The following CCDC62 variants were observed in gnomAD, a reference collection of about 807,000 sequenced individuals.
CCDC62 encodes coiled-coil domain-containing protein 62.
CCDC62 carries 72 observed loss-of-function variants against 80.8 expected under a neutral mutation model. The ratio of observed to expected loss-of-function variants is 0.89; its 90% confidence interval spans 0.74 to 1.08. The LOEUF (loss-of-function observed/expected upper bound fraction) is 1.08, where lower values mean the gene tolerates loss of function less well. CCDC62 is among the 50% of genes least tolerant of loss of function. The probability of loss-of-function intolerance (pLI) is 0.00; values close to 1 mark genes in which losing one functional copy is unlikely to be tolerated. For missense variants in CCDC62, 704 were observed against 809.4 expected, an observed-to-expected ratio of 0.87 and a Z score of 1.58; for synonymous variants, 286 against 296.5, an observed-to-expected ratio of 0.96 and a Z score of 0.36.
intron 1 of CCDC62, 79 bp from the exon 2 acceptor site, chr12:122,777,412 A>T: frequency 8.1e-7 from 1 of 1,227,362 alleles, no homozygotes; most frequent in Non-Finnish European, 1.1e-6. Context: ...AAGAAGATAT[A>T]CTTATTTGGA....
At chr12:122,824,728 T>A (rs1390584631) in intron 12 of CCDC62, among the ~76,000 whole-genome samples, 1 of 152,108 alleles carries the variant, frequency 6.6e-6, no homozygotes. Flanking sequence ...AGCAGCACAA[T>A]TCGCAATTGC....
chr12:122,826,497 T>C lies in CCDC62; in HGVS notation c.*116T>C, dbSNP rs766214904. 2 of 770,816 alleles carry C rather than the reference T, an allele frequency of 2.6e-6. No homozygotes were observed. The highest frequency in any genetic ancestry group is 2.8e-5 in the South Asian group (2 of 72,256). The allele number at this position is 770,816 out of a possible 1,614,324, so 47.7% of individuals were successfully genotyped here. A position where few individuals can be genotyped will look rare whatever the true frequency, so the allele number is the denominator to read the frequency against. ...ACTTAACCGTAAAACTGAAAGAGGA[T>C]TCTAGTTCTTCATAAACGGCACTTA... On this transcript the variant is annotated 3_prime_UTR_variant, in exon 13 of 13. Coordinates refer to ENST00000253079, the MANE Select transcript of CCDC62 (RefSeq NM_201435.5).
Position 122,792,014 on chromosome 12 carries a change from G to A in CCDC62, c.671-6G>A. 1.2e-6 allele frequency: 2 copies of A among 1,600,406 alleles called. No homozygotes were observed. The highest frequency in any genetic ancestry group is 1.7e-6 in the Non-Finnish European group (2 of 1,167,698). On this transcript the variant is annotated splice_polypyrimidine_tract_variant and splice_region_variant and intron_variant, in intron 5 of 12. Coordinates refer to ENST00000253079, the MANE Select transcript of CCDC62 (RefSeq NM_201435.5). ...TTGAGGACTTTCTTTTTCTTCTGTT[G>A]TGAAGAGGACCTCAATGAAAAGACG...
intron 9 of CCDC62, among the ~76,000 whole-genome samples, chr12:122,803,822 C>T (rs146709202): frequency 4.5e-4 from 68 of 152,272 alleles, no homozygotes; most frequent in African/African-American, 1.5e-3. Flanking sequence ...AACAAGGACA[C>T]TCATATATTA....
intron 12 of CCDC62, among the ~76,000 whole-genome samples, chr12:122,825,439 C>T (rs1356636813): frequency 6.7e-6 from 1 of 150,340 alleles, no homozygotes; most frequent in Non-Finnish European, 1.5e-5. Context: ...CTCCGCCTCC[C>T]GGGTTCAAGC....
In CCDC62 at chr12:122,777,662, G is replaced by A; in HGVS notation, c.208G>A (p.Glu70Lys). The change falls in exon 2 of 13, where the codon GAA (glutamate) becomes AAA (lysine). Residue 70 changes from glutamate (E) to lysine (K), a missense_variant. Transcript: ENST00000253079. ...TCGGCAGAAAGTGTTGACACTGGAA[G>A]AACGTTGCAGCAAATTAGAAGGTCA... ...EDRQKVLTLE[E>K]RCSKLEGELH... is the part of the protein sequence containing the mutation. 1 of 1,614,068 alleles carries A rather than the reference G, an allele frequency of 6.2e-7. No individual in the cohort carries two copies. The highest frequency in any genetic ancestry group is 8.5e-7 in the Non-Finnish European group (1 of 1,179,970).
Position 122,826,479 on chromosome 12 carries a change from C to T in CCDC62, c.*98C>T, listed in dbSNP as rs375300897. The T allele has an allele frequency of 4.0e-5, 31 of 774,868 alleles. No individual in the cohort carries two copies. The highest frequency in any genetic ancestry group is 6.8e-5 in the South Asian group (5 of 73,282). 48.0% of individuals were successfully genotyped at this position (774,868 alleles called of 1,614,324 possible). ...CACCAATACTGAATGAATACTTAAC[C>T]GTAAAACTGAAAGAGGATTCTAGTT... On this transcript the variant is annotated 3_prime_UTR_variant, in exon 13 of 13. Coordinates refer to ENST00000253079, the MANE Select transcript of CCDC62 (RefSeq NM_201435.5).
intron 10 of CCDC62, among the ~76,000 whole-genome samples, chr12:122,811,210 CTTTTTTTT>C (rs34599465): frequency 8.3e-6 from 1 of 120,092 alleles, no homozygotes; most frequent in East Asian, 2.4e-4. Flanking sequence ...ATTAAGTTTC[CTTTTTTTT>C]TTTTTTTTTT....
At chr12:122,825,714 G>A (rs1408199951) in intron 12 of CCDC62, among the ~76,000 whole-genome samples, 1 of 150,428 alleles carries the variant, frequency 6.6e-6, no homozygotes, top group African/African-American at 2.4e-5. Context: ...AGCTGGGCGC[G>A]GTGGCTCACA....
At chr12:122,820,167 A>T (rs1239270005) in intron 11 of CCDC62, among the ~76,000 whole-genome samples, 1 of 152,098 alleles carries the variant, frequency 6.6e-6, no homozygotes, top group East Asian at 1.9e-4. Context: ...AATTTTACCA[A>T]TAGGAGGCAT....
chr12:122,812,767 GAGAGAGAGAGAGAAAGAAAGAAAGAA>G lies in CCDC62; in HGVS notation c.1852-499_1852-474del, dbSNP rs1363385017. Among the ~76,000 whole-genome samples, 316 of 88,138 alleles carry G rather than the reference GAGAGAGAGAGAGAAAGAAAGAAAGAA, an allele frequency of 3.6e-3. 6 individuals are homozygous for G. The highest frequency in any genetic ancestry group is 0.015 in the African/African-American group (303 of 19,890). The allele number at this position is 88,138 out of a possible 152,430, so 57.8% of individuals were successfully genotyped here. A position where few individuals can be genotyped will look rare whatever the true frequency, so the allele number is the denominator to read the frequency against. Reference sequence around the variant, plus strand: ...AGAGAGAGAGGGAGGGAGAGAGAGAGAGAGAGAGAGAGAAAGAAAGAAAGAAAGAAAGAAAGAAAGAAAGAAAGAAA... The same window carrying G: ...AGAGAGAGAGGGAGGGAGAGAGAGAGAGAAAGAAAGAAAGAAAGAAAGAAA... On this transcript the variant is annotated intron_variant, in intron 10 of 12. Coordinates refer to ENST00000253079, the MANE Select transcript of CCDC62 (RefSeq NM_201435.5).
intron 2 of CCDC62, among the ~76,000 whole-genome samples, chr12:122,778,353 CAAAA>C (rs34065757): frequency 7.6e-5 from 9 of 118,160 alleles, no homozygotes; most frequent in East Asian, 4.8e-4. Flanking sequence ...GACCCTGTCC[CAAAA>C]AAAAAAAAAA....
chr12:122,812,462 C>T (rs2031935126), intron 10 of CCDC62, among the ~76,000 whole-genome samples: 1 of 147,108 alleles, frequency 6.8e-6, no homozygotes, highest in African/African-American at 2.5e-5. Flanking sequence ...AAAAAGAGGC[C>T]GGGTGCGGTG....
intron 10 of CCDC62, among the ~76,000 whole-genome samples, chr12:122,811,210 C>CAT (rs2031860202): frequency 8.3e-6 from 1 of 120,092 alleles, no homozygotes; most frequent in Non-Finnish European, 1.6e-5. Flanking sequence ...ATTAAGTTTC[C>CAT]TTTTTTTTTT....
At chr12:122,785,410 C>T (rs1253084339) in intron 3 of CCDC62, among the ~76,000 whole-genome samples, 1 of 151,994 alleles carries the variant, frequency 6.6e-6, no homozygotes, top group Non-Finnish European at 1.5e-5. Context: ...ATAAAAGATA[C>T]TAGGAAATAG....
In CCDC62 at chr12:122,797,312, A is replaced by G. The variant is rs1413563479; in HGVS notation, c.778A>G (p.Arg260Gly). 2 of 1,518,078 alleles carry G rather than the reference A, an allele frequency of 1.3e-6. No homozygotes were observed. Among genetic ancestry groups the G allele is most frequent in the Non-Finnish European group, 1.8e-6 (2 of 1,093,020 alleles). The allele number at this position is 1,518,078 out of a possible 1,614,324, so 94.0% of individuals were successfully genotyped here. A position where few individuals can be genotyped will look rare whatever the true frequency, so the allele number is the denominator to read the frequency against. ...LHDELLFTVE[R>G]EKRKDELLNI... ...TAATACTTGTTCTTAAATAGTAGAGAGAGAAAAGAGGAAAGATGAATTGCT... is the reference window on the plus strand; with the variant it reads ...TAATACTTGTTCTTAAATAGTAGAGGGAGAAAAGAGGAAAGATGAATTGCT... Residue 260 changes from arginine to glycine, a missense_variant, in exon 7 of 13, where the codon AGA becomes GGA. Physicochemically the swap from Arg to Gly is moderately radical, Grantham distance 125 (BLOSUM62 -2). Coordinates refer to ENST00000253079, the MANE Select transcript of CCDC62 (RefSeq NM_201435.5).
chr12:122,790,759 C>A (rs183034779), intron 5 of CCDC62, among the ~76,000 whole-genome samples: 13 of 152,280 alleles, frequency 8.5e-5, no homozygotes, highest in African/African-American at 2.4e-4. Flanking sequence ...CCAGCCCTGT[C>A]TTCACTTGGT....
chr12:122,825,866 G>C lies in CCDC62; in HGVS notation c.*41-556G>C, dbSNP rs1389983326. Among the ~76,000 whole-genome samples, 105 of 150,804 alleles carry C rather than the reference G, an allele frequency of 7.0e-4. 2 individuals are homozygous for C. Among genetic ancestry groups the C allele is most frequent in the Middle Eastern group, 6.9e-3 (2 of 290 alleles). On this transcript the variant is annotated intron_variant, in intron 12 of 12. Transcript: ENST00000253079. ...AAATTAGCCGGGCATGGAGGCGCAT[G>C]CCTGTAATCCCAGCTACTGGGGAGG...
At chr12:122,814,467 A>G (rs1437622455) in intron 11 of CCDC62, among the ~76,000 whole-genome samples, 1 of 151,670 alleles carries the variant, frequency 6.6e-6, no homozygotes, top group Non-Finnish European at 1.5e-5. Context: ...TAAATATTTC[A>G]TGATCATGAT....
Sources: allele counts gnomAD v4.1 joint callset (sites outside exome capture counted in the v4.1 genomes callset), GRCh38; gene constraint gnomAD v4.1.1; transcripts MANE v1.5; gene names NCBI Gene and HGNC (gene_info 2026-07-23, HGNC 2026-07-21).